The following ANO6 variants were observed in gnomAD, a reference collection of about 807,000 sequenced individuals.
The protein encoded by ANO6 is anoctamin 6.
ANO6 carries 106 observed loss-of-function variants against 117.5 expected under a neutral mutation model. That is an observed-to-expected ratio of 0.90 (90% CI 0.77 to 1.06). ANO6 has a LOEUF of 1.06. Ranked by LOEUF, ANO6 falls within the 50% of genes least tolerant of loss-of-function variation. The pLI is 0.00. For synonymous variants in ANO6, 367 were observed against 385.1 expected (o/e 0.95, Z 0.55); for missense variants, 955 against 1,121.1 (o/e 0.85, Z 2.12).
intron 1 of ANO6, among the ~76,000 whole-genome samples, chr12:45,281,476 T>A (rs1450396202): frequency 6.6e-6 from 1 of 152,176 alleles, no homozygotes; most frequent in Non-Finnish European, 1.5e-5. Context: ...CTCAGGGAGC[T>A]TACAATCATG....
chr12:45,268,530 T>G (rs1327641311), intron 1 of ANO6, among the ~76,000 whole-genome samples: 2 of 151,922 alleles, frequency 1.3e-5, no homozygotes, highest in African/African-American at 4.8e-5. Flanking sequence ...AAAAATTAAA[T>G]AAATAAATAA....
At chr12:45,437,160 A>G (rs199696210), downstream of ANO6, among the ~76,000 whole-genome samples, 35 of 152,346 alleles carry the variant, frequency 2.3e-4, no homozygotes, top group East Asian at 6.7e-3. Context: ...GGAGGGTCTA[A>G]GTCCTTTTCA....
intron 1 of ANO6, among the ~76,000 whole-genome samples, chr12:45,253,776 G>A (rs1016011390): frequency 6.6e-6 from 1 of 152,166 alleles, no homozygotes; most frequent in Admixed American, 6.5e-5. Context: ...TCATGATTGT[G>A]TATTACTAAC....
chr12:45,416,914 C>G lies in ANO6; in HGVS notation c.2217+10C>G, dbSNP rs1313551897. ...GGCTGTGGTGACCAATGTGAGTAGA[C>G]CTAAGCTTTACAGAGTAAAGACCTT... On this transcript the variant is annotated intron_variant, in intron 17 of 19. Coordinates refer to ENST00000320560, the MANE Select transcript of ANO6 (RefSeq NM_001025356.3). The G allele has an allele frequency of 6.2e-7, 1 of 1,613,730 alleles. No homozygotes were observed. Among genetic ancestry groups the G allele is most frequent in the Non-Finnish European group, 8.5e-7 (1 of 1,179,706 alleles).
intron 1 of ANO6, among the ~76,000 whole-genome samples, chr12:45,230,412 A>G (rs1342136507): frequency 2.7e-5 from 4 of 150,206 alleles, no homozygotes; most frequent in African/African-American, 4.9e-5. Flanking sequence ...TTGGACTATT[A>G]TAATATTAAT....
At chr12:45,339,060 G>T (rs182912904) in intron 3 of ANO6, among the ~76,000 whole-genome samples, 1 of 152,166 alleles carries the variant, frequency 6.6e-6, no homozygotes, top group Admixed American at 6.5e-5. Context: ...CAGCAGGATT[G>T]GCAAAAATCA....
intron 9 of ANO6, among the ~76,000 whole-genome samples, chr12:45,373,870 A>C (rs1239923211): frequency 3.9e-5 from 6 of 152,182 alleles, no homozygotes; most frequent in Non-Finnish European, 8.8e-5. Flanking sequence ...TCAGAGCAGA[A>C]CTGAAGGAAA....
chr12:45,241,160 C>T (rs181448031), intron 1 of ANO6, among the ~76,000 whole-genome samples: 5 of 152,304 alleles, frequency 3.3e-5, no homozygotes, highest in Admixed American at 2.6e-4. Flanking sequence ...AATTTAGTTC[C>T]ATTCTCCCTG....
intron 1 of ANO6, among the ~76,000 whole-genome samples, chr12:45,221,378 G>C (rs1947396257): frequency 6.6e-6 from 1 of 152,238 alleles, no homozygotes; most frequent in Non-Finnish European, 1.5e-5. Flanking sequence ...TTTTGGGTCA[G>C]ATGCTGAAAG....
At chr12:45,319,174 G>C (rs1940164544) in intron 2 of ANO6, among the ~76,000 whole-genome samples, 1 of 152,164 alleles carries the variant, frequency 6.6e-6, no homozygotes, top group Non-Finnish European at 1.5e-5. Context: ...TGGTGAGAGA[G>C]GGCATCCCTG....
At chr12:45,265,371 ACC>A (rs925951331) in intron 1 of ANO6, among the ~76,000 whole-genome samples, 2 of 152,026 alleles carry the variant, frequency 1.3e-5, no homozygotes, top group African/African-American at 4.8e-5. Context: ...ACTTGAGGAG[ACC>A]CTGAAGTGAC....
At chr12:45,435,314 G>A (rs1172882866), downstream of ANO6, among the ~76,000 whole-genome samples, 1 of 152,158 alleles carries the variant, frequency 6.6e-6, no homozygotes, top group Admixed American at 6.5e-5. Flanking sequence ...CACTTTAGCT[G>A]CTGCACCTAA....
chr12:45,287,616 G>A (rs774900356), intron 1 of ANO6, among the ~76,000 whole-genome samples: 1 of 152,166 alleles, frequency 6.6e-6, no homozygotes, highest in Non-Finnish European at 1.5e-5. Context: ...TGAGAAATTG[G>A]ATGTAGGAGA....
intron 19 of ANO6, among the ~76,000 whole-genome samples, chr12:45,427,366 G>T (rs971391028): frequency 6.6e-6 from 1 of 151,976 alleles, no homozygotes; most frequent in Non-Finnish European, 1.5e-5. Context: ...CACCTGCTCC[G>T]CACCATCCTT....
At chr12:45,393,560 G>T (rs1942517183) in intron 12 of ANO6, among the ~76,000 whole-genome samples, 1 of 152,134 alleles carries the variant, frequency 6.6e-6, no homozygotes, top group South Asian at 2.1e-4. Context: ...CACCAAGGTT[G>T]AAATGAAGGA....
chr12:45,291,346 C>CA (rs747924513), intron 1 of ANO6, among the ~76,000 whole-genome samples: 1,805 of 46,892 alleles, frequency 0.038, 47 homozygotes, highest in Non-Finnish European at 0.049. Context: ...AACTCCGTCT[C>CA]AAAAAAAAAA....
At chr12:45,229,553 C>A (rs2137137096) in intron 1 of ANO6, among the ~76,000 whole-genome samples, 1 of 151,666 alleles carries the variant, frequency 6.6e-6, no homozygotes, top group Admixed American at 6.6e-5. Flanking sequence ...TCACGCCCAG[C>A]TAATTTTTAT....
intron 1 of ANO6, among the ~76,000 whole-genome samples, chr12:45,295,648 G>T (rs987425980): frequency 6.6e-6 from 1 of 152,036 alleles, no homozygotes; most frequent in African/African-American, 2.4e-5. Flanking sequence ...TGCAACCTCT[G>T]CTTCCTGGGT....
At chr12:45,432,530 A>G (rs1944729994), downstream of ANO6, among the ~76,000 whole-genome samples, 1 of 152,176 alleles carries the variant, frequency 6.6e-6, no homozygotes, top group African/African-American at 2.4e-5. Flanking sequence ...TATTAAGGTT[A>G]CAGATCAGAA....
Sources: allele counts gnomAD v4.1 joint callset (sites outside exome capture counted in the v4.1 genomes callset), GRCh38; gene constraint gnomAD v4.1.1; transcripts MANE v1.5; gene names NCBI Gene and HGNC (gene_info 2026-07-23, HGNC 2026-07-21).